PRKCZ: variants seen among roughly 807,000 people sequenced by gnomAD.
The protein encoded by PRKCZ is protein kinase C zeta, also known as protein kinase C zeta type.
A neutral mutation model predicts 79.5 loss-of-function variants in PRKCZ; 33 were observed. That is an observed-to-expected ratio of 0.41 (90% CI 0.31 to 0.55). The LOEUF (loss-of-function observed/expected upper bound fraction) is 0.55, where lower values mean the gene tolerates loss of function less well. Among genes scored for constraint, PRKCZ ranks in the 20% least tolerant of loss-of-function variants. The pLI, the probability that PRKCZ is intolerant of heterozygous loss-of-function variation, is 0.19. For synonymous variants in PRKCZ, 342 were observed against 320.9 expected (o/e 1.07, Z -0.70); for missense variants, 578 against 813.5 (o/e 0.71, Z 3.52).
At chr1:2,139,058 A>C (rs1166825752) in intron 5 of PRKCZ, among the ~76,000 whole-genome samples, 1 of 152,262 alleles carries the variant, frequency 6.6e-6, no homozygotes, top group East Asian at 1.9e-4. Flanking sequence ...TGCAAAAAAC[A>C]TACAGGAAAG....
intron 4 of PRKCZ, among the ~76,000 whole-genome samples, chr1:2,091,054 G>A (rs1665409732): frequency 6.6e-6 from 1 of 152,092 alleles, no homozygotes; most frequent in African/African-American, 2.4e-5. Context: ...TTTTTGAGCT[G>A]GAGTCTCACT....
At chr1:2,069,324 C>A (rs546746427) in intron 4 of PRKCZ, among the ~76,000 whole-genome samples, 1 of 152,094 alleles carries the variant, frequency 6.6e-6, no homozygotes, top group Non-Finnish European at 1.5e-5. Flanking sequence ...CTGGAGAACC[C>A]CCGTGAGTGG....
chr1:2,084,340 C>T (rs1557520857), intron 4 of PRKCZ, among the ~76,000 whole-genome samples: 1 of 152,236 alleles, frequency 6.6e-6, no homozygotes, highest in East Asian at 1.9e-4. Context: ...TCCCCCCACG[C>T]TCATGAGGGC....
At chr1:2,056,641 G>A (rs1660191590) in intron 3 of PRKCZ, 68 bp downstream of exon 3, 2 of 1,394,516 alleles carry the variant, frequency 1.4e-6, no homozygotes, top group East Asian at 4.9e-5. Context: ...CTGCCGACTA[G>A]CTGGGGGATT....
chr1:2,134,547 T>C (rs1675769556), intron 4 of PRKCZ, among the ~76,000 whole-genome samples: 1 of 152,174 alleles, frequency 6.6e-6, no homozygotes, highest in Non-Finnish European at 1.5e-5. Context: ...GGTGCCGCCT[T>C]TCTCATAAGA....
rs918991563 is a variant in PRKCZ at position 2,083,164 on chromosome 1, A to C, written c.334+23573A>C. ...GGTTCACTGGGTGGAGCATGCTCTG[A>C]GCCCCTGGAGGTACAGGGATTTTAC... On this transcript the variant is annotated intron_variant, in intron 4 of 17. Coordinates refer to ENST00000378567, the MANE Select transcript of PRKCZ (RefSeq NM_002744.6). 6.0e-4 allele frequency among the ~76,000 whole-genome samples: 91 copies of C among 151,990 alleles called. 1 individual carries two copies. Among genetic ancestry groups the C allele is most frequent in the African/African-American group, 2.2e-3 (90 of 41,372 alleles).
chr1:2,146,262 G>C (rs1678496927), intron 7 of PRKCZ, among the ~76,000 whole-genome samples, 154 bp downstream of exon 7: 1 of 152,218 alleles, frequency 6.6e-6, no homozygotes. Context: ...CTGGGGATGA[G>C]GCTCTCCAGG....
At chr1:2,070,871 G>C (rs1269749166) in intron 4 of PRKCZ, among the ~76,000 whole-genome samples, 1 of 152,084 alleles carries the variant, frequency 6.6e-6, no homozygotes, top group Non-Finnish European at 1.5e-5. Flanking sequence ...TGGCTGTAGT[G>C]TCTCACTTGG....
In PRKCZ at chr1:2,105,738, T is replaced by C. The variant is rs80031653; in HGVS notation, c.335-29524T>C. Among the ~76,000 whole-genome samples, 566 of 152,252 alleles carry C rather than the reference T, an allele frequency of 3.7e-3. 10 individuals are homozygous for C. Among genetic ancestry groups the C allele is most frequent in the African/African-American group, 0.013 (538 of 41,548 alleles). On this transcript the variant is annotated intron_variant, in intron 4 of 17. Coordinates refer to ENST00000378567, the MANE Select transcript of PRKCZ (RefSeq NM_002744.6). Reference sequence around the variant, plus strand: ...AATAAATGTCTAAGCAAAATGAATTTGGGGTGAAGTAGTCACAGAGCTGTC... The same window carrying C: ...AATAAATGTCTAAGCAAAATGAATTCGGGGTGAAGTAGTCACAGAGCTGTC...
At chr1:2,135,581 T>G (rs1676026071) in intron 5 of PRKCZ, among the ~76,000 whole-genome samples, 1 of 152,228 alleles carries the variant, frequency 6.6e-6, no homozygotes, top group Non-Finnish European at 1.5e-5. Flanking sequence ...GTGAATGCTG[T>G]CTGTGTCTGC....
chr1:2,159,538 A>G (rs542578294), intron 10 of PRKCZ, among the ~76,000 whole-genome samples: 8 of 152,360 alleles, frequency 5.3e-5, no homozygotes, highest in Admixed American at 4.6e-4. Context: ...AGGTTTCCAC[A>G]CAAGTTTGGT....
rs781572187 is a variant in PRKCZ, at chr1:2,144,232, G to A, written c.443G>A (p.Ser148Asn). 7 of 1,552,688 alleles carry A rather than the reference G, an allele frequency of 4.5e-6. No homozygotes were observed. The South Asian group carries it at 7.1e-5, about 16-fold the overall frequency. ...CAGAGAGCGTACTGCGGTCAGTGCAGCGAGAGGATATGGGGCCTCGCGAGG... is the reference window on the plus strand; with the variant it reads ...CAGAGAGCGTACTGCGGTCAGTGCAACGAGAGGATATGGGGCCTCGCGAGG... ...FNRRAYCGQC[S>N]ERIWGLARQG... Residue 148 changes from serine (S) to asparagine (N), a missense_variant, in exon 6 of 18, where the codon AGC becomes AAC. Physicochemically the swap from Ser to Asn is conservative, Grantham distance 46 (BLOSUM62 1). Around this residue, in one of 4 missense-constraint regions of PRKCZ, gnomAD observed 228 missense variants for 211.6 expected, o/e 1.08. Transcript: ENST00000378567.
intron 10 of PRKCZ, 165 bp from the exon 11 acceptor site, chr1:2,169,353 C>T (rs758082488): frequency 2.9e-6 from 2 of 693,358 alleles, no homozygotes; most frequent in South Asian, 3.0e-5. Flanking sequence ...CCCGTCCCCA[C>T]CAGCCCCTCT....
At chr1:2,157,528 C>T (rs113314028) in intron 10 of PRKCZ, among the ~76,000 whole-genome samples, 67 of 152,226 alleles carry the variant, frequency 4.4e-4, no homozygotes, top group Non-Finnish European at 8.4e-4. Flanking sequence ...AGCAATTCTC[C>T]TGCCTCAGCC....
intron 4 of PRKCZ, among the ~76,000 whole-genome samples, chr1:2,133,361 C>T (rs1469477222): frequency 1.3e-5 from 2 of 149,796 alleles, no homozygotes; most frequent in African/African-American, 2.5e-5. Flanking sequence ...GTTCCCTCGG[C>T]TCCGCCCCCT....
intron 4 of PRKCZ, among the ~76,000 whole-genome samples, chr1:2,065,817 C>T (rs186749284): frequency 7.3e-5 from 11 of 151,670 alleles, no homozygotes; most frequent in South Asian, 2.1e-4. Flanking sequence ...TTTATTATGT[C>T]GAGATAGTTT....
At position 2,185,257 on chromosome 1, in the gene PRKCZ, G is replaced by C. The variant is rs769006667; in HGVS notation, c.*248G>C. On this transcript the variant is annotated 3_prime_UTR_variant, in exon 18 of 18. Coordinates refer to ENST00000378567, the MANE Select transcript of PRKCZ (RefSeq NM_002744.6). The stretch of plus-strand genomic sequence containing the variant: ...GTGCCTGCGTCGCGGCGGATCCGCG[G>C]GGACCCTGCCGAGGGGGCTGTCATG... 1 of 714,962 alleles carries C rather than the reference G, an allele frequency of 1.4e-6. No individual in the cohort carries two copies. The highest frequency in any genetic ancestry group is 2.6e-6 in the Non-Finnish European group (1 of 383,418). 44.3% of individuals were successfully genotyped at this position (714,962 alleles called of 1,614,324 possible).
At chr1:2,181,330 G>C (rs1686571065) in intron 16 of PRKCZ, among the ~76,000 whole-genome samples, 2 of 152,028 alleles carry the variant, frequency 1.3e-5, no homozygotes, top group South Asian at 2.1e-4. Context: ...TTCAGAACTA[G>C]AGCCCTTGGG....
rs762780209 is a variant in PRKCZ, at chr1:2,175,340, CCCCCAT to C, written c.1575+37_1575+42del. On this transcript the variant is annotated intron_variant, in intron 16 of 17. Coordinates refer to ENST00000378567, the MANE Select transcript of PRKCZ (RefSeq NM_002744.6). ...TAAAGCATCACAAAGCCTATTTGCA[CCCCCAT>C]CCCCATCCCAACCCCAAATCTACCC... is the stretch of plus-strand genomic sequence containing the variant. 6.3e-6 allele frequency: 10 copies of C among 1,580,710 alleles called. No individual in the cohort carries two copies. In the Admixed American group the frequency reaches 1.0e-4, roughly 16 times the overall value.
Sources: gnomAD v4.1 joint callset for allele counts (sites outside exome capture counted in the v4.1 genomes callset) on GRCh38, gnomAD v4.1.1 for gene constraint, gnomAD v4.1.1 regional missense constraint, MANE v1.5 for transcripts, NCBI Gene and HGNC (gene_info 2026-07-23, HGNC 2026-07-21) for gene names.